RALGAPA1: variants seen among roughly 807,000 people sequenced by gnomAD.
RALGAPA1 encodes ral GTPase-activating protein subunit alpha-1.
Under a neutral mutation model 269.6 loss-of-function variants are expected in RALGAPA1, and 52 were observed. The ratio of observed to expected loss-of-function variants is 0.19; its 90% CI spans 0.15 to 0.24. RALGAPA1 has a LOEUF of 0.24. Ranked by LOEUF, RALGAPA1 falls within the 10% of genes least tolerant of loss-of-function variation. The pLI, the probability that RALGAPA1 is intolerant of heterozygous loss-of-function variation, is 1.00. For synonymous variants in RALGAPA1, 817 were observed against 1,008.3 expected, an observed-to-expected ratio of 0.81 and a Z score of 3.60; for missense variants, 1,917 against 3,013.9, an observed-to-expected ratio of 0.64 and a Z score of 8.52.
At chr14:35,585,585 C>G (rs1196938089) in intron 37 of RALGAPA1, among the ~76,000 whole-genome samples, 2 of 152,104 alleles carry the variant, frequency 1.3e-5, no homozygotes, top group East Asian at 3.8e-4. Context: ...AAAGTTTCAT[C>G]GTTTCAGAGT....
At chr14:35,778,232 G>A (rs1372455614) in intron 1 of RALGAPA1, among the ~76,000 whole-genome samples, 1 of 152,042 alleles carries the variant, frequency 6.6e-6, no homozygotes, top group African/African-American at 2.4e-5. Flanking sequence ...GCTAATTTTT[G>A]TAGAGATGGG....
At chr14:35,783,606 G>A (rs1371455208) in intron 1 of RALGAPA1, among the ~76,000 whole-genome samples, 4 of 151,922 alleles carry the variant, frequency 2.6e-5, no homozygotes. Context: ...TGCTTCAGAG[G>A]ACACTATCAA....
In RALGAPA1 at chr14:35,808,938, G is replaced by T; in HGVS notation, c.-103C>A. 1 of 1,492,874 alleles carries T rather than the reference G, an allele frequency of 6.7e-7. No individual in the cohort carries two copies. The highest frequency in any genetic ancestry group is 1.3e-5 in the South Asian group (1 of 76,366). The allele number at this position is 1,492,874 out of a possible 1,614,324, so 92.5% of individuals were successfully genotyped here. On this transcript the variant is annotated 5_prime_UTR_variant, in exon 1 of 42. Transcript: ENST00000680220. ...GACGGGGAGGAGACTAGCCAGAGAG[G>T]CTCATTAGCTCCCCAGCCTTGCGGG...
intron 13 of RALGAPA1, among the ~76,000 whole-genome samples, chr14:35,726,817 T>C (rs2141000005): frequency 6.6e-6 from 1 of 152,296 alleles, no homozygotes; most frequent in East Asian, 1.9e-4. Flanking sequence ...CCAATGTAGT[T>C]ATTGGCTAAT....
At chr14:35,610,817 T>G (rs928691658) in intron 35 of RALGAPA1, among the ~76,000 whole-genome samples, 2 of 152,140 alleles carry the variant, frequency 1.3e-5, no homozygotes, top group Admixed American at 1.3e-4. Context: ...ACACAAAAAC[T>G]GATGTTCCAT....
chr14:35,620,357 AT>A (rs1354414769), intron 35 of RALGAPA1, among the ~76,000 whole-genome samples: 2 of 152,314 alleles, frequency 1.3e-5, no homozygotes, highest in African/African-American at 4.8e-5. Context: ...GATGCAACGT[AT>A]CTCAAAATAA....
rs181424524 is a variant in RALGAPA1 at position 35,786,499 on chromosome 14, G to C, written c.107-10754C>G. 2.0e-5 allele frequency among the ~76,000 whole-genome samples: 3 copies of C among 151,984 alleles called. No homozygotes were observed. The East Asian group carries it at 5.9e-4, about 30-fold the overall frequency. ...AAAAAATACAAAAAATTAGCCGGGC[G>C]TGCTGGCAGGCGCCTGTAGTCCCAG... On this transcript the variant is annotated intron_variant, in intron 1 of 41. Transcript: ENST00000680220.
chr14:35,792,120 A>ATGT (rs2141800556), intron 1 of RALGAPA1, among the ~76,000 whole-genome samples: 1 of 152,084 alleles, frequency 6.6e-6, no homozygotes, highest in Non-Finnish European at 1.5e-5. Flanking sequence ...ACATAGGCAA[A>ATGT]GGAAAGCCAT....
intron 12 of RALGAPA1, among the ~76,000 whole-genome samples, chr14:35,734,570 C>G (rs557681079): frequency 1.3e-5 from 2 of 152,146 alleles, no homozygotes; most frequent in Non-Finnish European, 2.9e-5. Context: ...GGATTAAGGA[C>G]TTAAATCTAA....
chr14:35,780,095 A>G (rs2075330752), intron 1 of RALGAPA1, among the ~76,000 whole-genome samples: 1 of 143,228 alleles, frequency 7.0e-6, no homozygotes. Context: ...TAACAGAGCT[A>G]GACTGTCTCA....
intron 31 of RALGAPA1, among the ~76,000 whole-genome samples, chr14:35,639,137 CAGA>C (rs1384457053): frequency 3.9e-5 from 6 of 151,924 alleles, no homozygotes; most frequent in African/African-American, 1.4e-4. Context: ...CCAAAAAAAG[CAGA>C]AGTAGTTACA....
At chr14:35,605,780 CT>C in intron 35 of RALGAPA1, 71 bp from the exon 36 acceptor site, 2 of 1,537,046 alleles carry the variant, frequency 1.3e-6, no homozygotes, top group Non-Finnish European at 1.8e-6. Flanking sequence ...CAATTAAGTT[CT>C]ATGTACAAAG....
At chr14:35,807,983 A>G (rs949300051) in intron 1 of RALGAPA1, 1 of 152,218 alleles carries the variant, frequency 6.6e-6, no homozygotes, top group Non-Finnish European at 1.5e-5. Context: ...CAGATGTTCC[A>G]TAAGTATTAT....
At chr14:35,556,691 A>G (rs1480712326) in intron 39 of RALGAPA1, among the ~76,000 whole-genome samples, 1 of 152,132 alleles carries the variant, frequency 6.6e-6, no homozygotes, top group Non-Finnish European at 1.5e-5. Flanking sequence ...CATCCTTTTA[A>G]CCATATTGCC....
rs754428228 is a variant in RALGAPA1, at chr14:35,634,674, T to A, written c.5895A>T (p.Val1965=). 3.7e-6 allele frequency: 6 copies of A among 1,613,676 alleles called. No homozygotes were observed. Among genetic ancestry groups the A allele is most frequent in the South Asian group, 1.1e-5 (1 of 91,070 alleles). Residue 1965 remains valine (V), a synonymous_variant, in exon 33 of 42, where the codon GTA becomes GTT. Coordinates refer to ENST00000680220, the MANE Select transcript of RALGAPA1 (RefSeq NM_001346249.2). ...FPMSLSDLAS[V]DYDPFMHLES... ...CCAAATGCATAAAAGGATCATAATCTACAGATGCCAAATCAGAGAGGCTCA... is the reference window on the plus strand; with the variant it reads ...CCAAATGCATAAAAGGATCATAATCAACAGATGCCAAATCAGAGAGGCTCA...
chr14:35,657,002 T>C (rs2063215793), intron 28 of RALGAPA1, among the ~76,000 whole-genome samples: 2 of 152,116 alleles, frequency 1.3e-5, no homozygotes, highest in Non-Finnish European at 2.9e-5. Flanking sequence ...AGAACACAAA[T>C]GCTGAACAAT....
intron 1 of RALGAPA1, among the ~76,000 whole-genome samples, chr14:35,798,129 T>C (rs2076710878): frequency 6.6e-6 from 1 of 151,110 alleles, no homozygotes; most frequent in Admixed American, 6.6e-5. Context: ...AGCCTCAGCC[T>C]CCCAAAATGC....
chr14:35,564,559 C>A (rs1389729464), intron 39 of RALGAPA1: 4 of 152,020 alleles, frequency 2.6e-5, no homozygotes, highest in Non-Finnish European at 5.9e-5. Flanking sequence ...CTGGTAATCT[C>A]CCTGATCAAG....
intron 37 of RALGAPA1, among the ~76,000 whole-genome samples, chr14:35,595,049 GA>G (rs769832339): frequency 1.3e-5 from 2 of 149,150 alleles, no homozygotes; most frequent in Non-Finnish European, 3.0e-5. Flanking sequence ...GACAAAGAAA[GA>G]AAAAATATTG....
Sources: allele counts gnomAD v4.1 joint callset (sites outside exome capture counted in the v4.1 genomes callset), GRCh38; gene constraint gnomAD v4.1.1; transcripts MANE v1.5; gene names NCBI Gene and HGNC (gene_info 2026-07-23, HGNC 2026-07-21).